SPTLC1: variants seen among roughly 807,000 people sequenced by gnomAD.
SPTLC1 encodes serine palmitoyltransferase 1.
In SPTLC1, 55 loss-of-function variants were observed where a neutral mutation model predicts 68.9. The observed-to-expected ratio is 0.80, with a 90% CI of 0.64 to 1.00. The LOEUF is 1.00. Among genes scored for constraint, SPTLC1 ranks in the 50% least tolerant of loss-of-function variants. The probability of loss-of-function intolerance (pLI) is 0.00; values close to 1 mark genes in which losing one functional copy is unlikely to be tolerated. For missense variants in SPTLC1, 449 were observed against 573.1 expected (o/e 0.78, Z 2.21); for synonymous variants, 197 against 201.6 (o/e 0.98, Z 0.19).
chr9:92,074,484 T>C (rs1282039677), intron 5 of SPTLC1, among the ~76,000 whole-genome samples: 1 of 152,004 alleles, frequency 6.6e-6, no homozygotes, highest in Non-Finnish European at 1.5e-5. Context: ...CAACCTCTCC[T>C]TTCATCTCCC....
At position 92,047,222 on chromosome 9, in the gene SPTLC1, AGG is replaced by A. The variant is rs750429873; in HGVS notation, c.1029_1030del (p.Leu344ValfsTer7). 1.9e-6 allele frequency: 3 copies of A among 1,614,120 alleles called. No individual in the cohort carries two copies. Among genetic ancestry groups the A allele is most frequent in the Non-Finnish European group, 2.5e-6 (3 of 1,179,976 alleles). On this transcript the variant is annotated frameshift_variant, in exon 11 of 15. Transcript: ENST00000262554. LOFTEE classifies it high-confidence loss of function. ...GGCCTCAATTGCTGCAGCAGCTAAC[AGG>A]GGAGGTAACGAAGCTGAAAAGCAGT...
intron 1 of SPTLC1, 101 bp downstream of exon 1, chr9:92,115,213 G>C (rs1376894308): frequency 1.7e-6 from 2 of 1,170,186 alleles, no homozygotes; most frequent in African/African-American, 3.0e-5. Flanking sequence ...GGGCGTGACC[G>C]AGCCAGTCCC....
chr9:92,038,217 G>T, intron 13 of SPTLC1, 31 bp downstream of exon 13: 1 of 1,430,892 alleles, frequency 7.0e-7, no homozygotes. Context: ...GAAGTGGTGT[G>T]GGGGGATGCC....
chr9:92,072,936 A>C, intron 5 of SPTLC1, among the ~76,000 whole-genome samples: 5 of 150,440 alleles, frequency 3.3e-5, no homozygotes, highest in Admixed American at 6.6e-5. Context: ...TTACCTGTTA[A>C]CCCCTTCAAT....
chr9:92,079,632 T>C, intron 5 of SPTLC1: 11 of 1,403,292 alleles, frequency 7.8e-6, no homozygotes, highest in Non-Finnish European at 1.0e-5. Flanking sequence ...TGCTCTCCAC[T>C]TTCTTCCTAG....
At chr9:92,112,710 T>C (rs1413285369) in intron 1 of SPTLC1, 148 bp from the exon 2 acceptor site, 3 of 604,144 alleles carry the variant, frequency 5.0e-6, no homozygotes, top group East Asian at 5.6e-5. Flanking sequence ...TTTCTATTCA[T>C]TCCTTTCCCC....
intron 1 of SPTLC1, 198 bp downstream of exon 1, chr9:92,115,112 TCCCA>T: frequency 3.4e-6 from 2 of 591,434 alleles, no homozygotes; most frequent in Non-Finnish European, 3.0e-6. Flanking sequence ...AGACCCTCAG[TCCCA>T]GCCCCCGCCC....
chr9:92,113,015 G>A (rs527370898), intron 1 of SPTLC1, among the ~76,000 whole-genome samples: 5 of 152,186 alleles, frequency 3.3e-5, no homozygotes, highest in African/African-American at 1.2e-4. Flanking sequence ...GCTGAGGCAG[G>A]AGAATCGCTT....
chr9:92,092,595 C>T (rs1330806867), intron 3 of SPTLC1, among the ~76,000 whole-genome samples: 1 of 151,962 alleles, frequency 6.6e-6, no homozygotes, highest in Non-Finnish European at 1.5e-5. Context: ...ATTAGCTGGG[C>T]GTGGTGGCAC....
At chr9:92,032,797 A>C (rs1240384067) in intron 14 of SPTLC1, among the ~76,000 whole-genome samples, 2 of 151,672 alleles carry the variant, frequency 1.3e-5, no homozygotes, top group Non-Finnish European at 2.9e-5. Context: ...AATGGCGTGA[A>C]CCTGGGAGGC....
intron 3 of SPTLC1, among the ~76,000 whole-genome samples, chr9:92,092,323 C>CA (rs1835390160): frequency 6.6e-6 from 1 of 151,836 alleles, no homozygotes; most frequent in Non-Finnish European, 1.5e-5. Flanking sequence ...AATCACATAG[C>CA]AATAAATTAT....
At chr9:92,111,685 T>C (rs1407118079) in intron 2 of SPTLC1, 2 of 152,224 alleles carry the variant, frequency 1.3e-5, no homozygotes, top group Non-Finnish European at 2.9e-5. Context: ...TAAAATCACT[T>C]ATCACTCATT....
rs1166279623 is a variant in SPTLC1, at chr9:92,108,957, C to T, written c.166-123G>A. ...AACTATTCTCAAGTTCGCTGTCACT[C>T]TTATTCAAGCTTATGTCTTCACACT... On this transcript the variant is annotated intron_variant, in intron 2 of 14. Transcript: ENST00000262554. 4.2e-6 allele frequency: 6 copies of T among 1,414,404 alleles called. No individual in the cohort carries two copies. The African/African-American group carries it at 4.3e-5, about 10-fold the overall frequency. 87.6% of individuals were successfully genotyped at this position (1,414,404 alleles called of 1,614,324 possible).
At chr9:92,083,889 C>T (rs1226489935) in intron 3 of SPTLC1, among the ~76,000 whole-genome samples, 1 of 152,138 alleles carries the variant, frequency 6.6e-6, no homozygotes, top group Non-Finnish European at 1.5e-5. Context: ...AATGTTCTTC[C>T]ATTTGTTTGT....
intron 8 of SPTLC1, chr9:92,053,856 G>T: frequency 1.4e-6 from 1 of 698,114 alleles, no homozygotes; most frequent in Non-Finnish European, 1.8e-6. Context: ...TGCACACATG[G>T]TAAATGTAAT....
At chr9:92,102,495 C>A (rs1564116554) in intron 3 of SPTLC1, among the ~76,000 whole-genome samples, 1 of 152,174 alleles carries the variant, frequency 6.6e-6, no homozygotes, top group East Asian at 1.9e-4. Flanking sequence ...CAATACAGAA[C>A]AATATAAATT....
intron 1 of SPTLC1, among the ~76,000 whole-genome samples, chr9:92,114,659 C>A (rs1836372016): frequency 1.3e-5 from 2 of 151,326 alleles, no homozygotes; most frequent in African/African-American, 2.4e-5. Context: ...CGCTTAAACC[C>A]GGGAGGCGGA....
intron 5 of SPTLC1, among the ~76,000 whole-genome samples, chr9:92,069,702 C>A (rs755264563): frequency 8.5e-5 from 13 of 152,302 alleles, no homozygotes; most frequent in East Asian, 7.7e-4. Context: ...CACTTTGCCA[C>A]CTCTCACGTT....
Position 92,034,882 on chromosome 9 carries a change from C to T in SPTLC1, c.1256G>A (p.Cys419Tyr). The change falls in exon 14 of 15, where the codon TGC becomes TAC. Residue 419 changes from cysteine to tyrosine, a missense_variant and splice_region_variant. Transcript: ENST00000262554. The part of the protein sequence containing the change: ...VRLLQEIVDQ[C>Y]MNRSIALTQA... The stretch of plus-strand genomic sequence containing the variant: ...AGTTAATGCAATACTTCTGTTCATG[C>T]ACTGTAGGAAGAAAAAGAAGACATC... 1 of 1,613,950 alleles carries T rather than the reference C, an allele frequency of 6.2e-7. No homozygotes were observed. Among genetic ancestry groups the T allele is most frequent in the Non-Finnish European group, 8.5e-7 (1 of 1,179,874 alleles).
Sources: allele counts gnomAD v4.1 joint callset (sites outside exome capture counted in the v4.1 genomes callset), GRCh38; gene constraint gnomAD v4.1.1; transcripts MANE v1.5; gene names NCBI Gene and HGNC (gene_info 2026-07-23, HGNC 2026-07-21).